Variants in ALCAM observed in about 807,000 individuals in gnomAD.
ALCAM encodes CD166 antigen.
In ALCAM, 30 loss-of-function variants were observed where a neutral mutation model predicts 70.9. That is an observed-to-expected ratio of 0.42 (90% confidence interval 0.32 to 0.57). The LOEUF (loss-of-function observed/expected upper bound fraction) is 0.57, where lower values mean the gene tolerates loss of function less well. Among genes scored for constraint, ALCAM ranks in the 20% least tolerant of loss-of-function variants. The pLI, the probability that ALCAM is intolerant of heterozygous loss-of-function variation, is 0.11. For synonymous variants in ALCAM, 249 were observed against 242.5 expected (o/e 1.03, Z -0.25); for missense variants, 591 against 695.1 (o/e 0.85, Z 1.68).
At chr3:105,442,529 C>A (rs1937196841) in intron 1 of ALCAM, among the ~76,000 whole-genome samples, 1 of 152,060 alleles carries the variant, frequency 6.6e-6, no homozygotes, top group Non-Finnish European at 1.5e-5. Context: ...CGCCTGTAAT[C>A]CCAGCACTGT....
rs1940426069 is a variant in ALCAM at position 105,552,145 on chromosome 3, A to C, written c.1509A>C (p.Ile503=). ...TCATATTAACATTTTTCATTTCAGT[A>C]AGTATTCCAGAACACGATGAGGCAG... The part of the protein sequence containing the change: ...RTVNSLNVSA[I]SIPEHDEADE... Residue 503 remains isoleucine, a splice_region_variant and synonymous_variant, in exon 13 of 16, where the codon ATA becomes ATC. Transcript: ENST00000306107. The C allele has an allele frequency of 6.3e-7, 1 of 1,597,966 alleles. No individual in the cohort carries two copies. The highest frequency in any genetic ancestry group is 8.5e-7 in the Non-Finnish European group (1 of 1,173,804).
At chr3:105,506,615 C>T (rs1167954390) in intron 1 of ALCAM, among the ~76,000 whole-genome samples, 1 of 151,852 alleles carries the variant, frequency 6.6e-6, no homozygotes, top group Non-Finnish European at 1.5e-5. Flanking sequence ...TTTTTTAAAC[C>T]CAAATGACAC....
At chr3:105,396,768 C>T (rs902244553) in intron 1 of ALCAM, among the ~76,000 whole-genome samples, 1 of 152,042 alleles carries the variant, frequency 6.6e-6, no homozygotes, top group Non-Finnish European at 1.5e-5. Flanking sequence ...TGATTGCCCT[C>T]TTAAAGGTTA....
At chr3:105,369,551 C>G (rs906357545) in intron 1 of ALCAM, among the ~76,000 whole-genome samples, 1 of 151,914 alleles carries the variant, frequency 6.6e-6, no homozygotes, top group Non-Finnish European at 1.5e-5. Context: ...GCACTAAAGG[C>G]GCCGTGTCTA....
intron 3 of ALCAM, among the ~76,000 whole-genome samples, chr3:105,527,982 G>T (rs1939749317): frequency 6.6e-6 from 1 of 152,132 alleles, no homozygotes; most frequent in Admixed American, 6.5e-5. Context: ...ATTTCATTTT[G>T]ATTATTTAAA....
intron 14 of ALCAM, among the ~76,000 whole-genome samples, chr3:105,568,903 C>A (rs1021642681): frequency 1.3e-5 from 2 of 151,528 alleles, no homozygotes; most frequent in African/African-American, 2.4e-5. Flanking sequence ...CAGTGTTACT[C>A]AAAACAGAAC....
intron 1 of ALCAM, among the ~76,000 whole-genome samples, chr3:105,432,841 C>T (rs1047195471): frequency 6.6e-6 from 1 of 152,122 alleles, no homozygotes; most frequent in Admixed American, 6.6e-5. Flanking sequence ...AAATGACTGG[C>T]ACAAACCAGT....
intron 1 of ALCAM, among the ~76,000 whole-genome samples, chr3:105,494,053 C>G (rs566077070): frequency 8.5e-6 from 1 of 118,188 alleles, no homozygotes; most frequent in African/African-American, 3.4e-5. Context: ...AAACGTATAT[C>G]TCAAAACAAT....
intron 1 of ALCAM, among the ~76,000 whole-genome samples, chr3:105,450,176 T>C (rs931272884): frequency 2.6e-5 from 4 of 152,182 alleles, no homozygotes; most frequent in African/African-American, 9.7e-5. Context: ...TTTCAAGAAA[T>C]GGTTGAGATA....
intron 1 of ALCAM, among the ~76,000 whole-genome samples, chr3:105,457,925 T>C (rs1349664961): frequency 1.3e-5 from 2 of 152,200 alleles, no homozygotes; most frequent in East Asian, 3.9e-4. Flanking sequence ...ATCCGTATCC[T>C]GAATGTTTAG....
chr3:105,368,521 C>T lies in ALCAM; in HGVS notation c.73+1040C>T, dbSNP rs1935141508. On this transcript the variant is annotated intron_variant, in intron 1 of 15. Transcript: ENST00000306107. ...GCGTAGACAGTTGCCAGTTAAACTC[C>T]TACTTCCTGGTATTTTGGCCTGTTT... Among the ~76,000 whole-genome samples the T allele has an allele frequency of 3.3e-5, 5 of 151,964 alleles. No homozygotes were observed. In the South Asian group the frequency reaches 1.0e-3, roughly 32 times the overall value.
chr3:105,515,499 A>G (rs953099673), intron 1 of ALCAM, among the ~76,000 whole-genome samples: 13 of 152,042 alleles, frequency 8.6e-5, no homozygotes, highest in Non-Finnish European at 1.5e-4. Context: ...TGAGAAACCA[A>G]TGGCTGAAGG....
intron 1 of ALCAM, among the ~76,000 whole-genome samples, chr3:105,464,257 T>G (rs1937653316): frequency 6.6e-6 from 1 of 151,420 alleles, no homozygotes; most frequent in Admixed American, 6.6e-5. Flanking sequence ...ATGGATCAAA[T>G]TTTTAAAATA....
chr3:105,473,187 C>G (rs181826162), intron 1 of ALCAM, among the ~76,000 whole-genome samples: 19 of 151,482 alleles, frequency 1.3e-4, no homozygotes, highest in Admixed American at 1.3e-3. Context: ...TATATATATT[C>G]ATATAGTAGA....
intron 1 of ALCAM, among the ~76,000 whole-genome samples, chr3:105,519,447 C>T (rs1265555660): frequency 1.3e-5 from 2 of 151,922 alleles, no homozygotes; most frequent in Non-Finnish European, 2.9e-5. Context: ...CATGTTCATA[C>T]TATAAATTCT....
chr3:105,499,870 A>T (rs974655707), intron 1 of ALCAM, among the ~76,000 whole-genome samples: 3 of 152,186 alleles, frequency 2.0e-5, no homozygotes, highest in Non-Finnish European at 2.9e-5. Flanking sequence ...CACCTGTTCC[A>T]ATTAGCTGTA....
rs566323493 is a variant in ALCAM, at chr3:105,483,023, T to G, written c.74-37044T>G. 2.6e-5 allele frequency among the ~76,000 whole-genome samples: 4 copies of G among 152,254 alleles called. No homozygotes were observed. In the South Asian group the frequency reaches 8.3e-4, roughly 32 times the overall value. On this transcript the variant is annotated intron_variant, in intron 1 of 15. Transcript: ENST00000306107. Reference sequence around the variant, plus strand: ...CTGATTCTCAATCTAAGGGGATTAGTAGAAAACCAACTAGATTATAAATGA... The same window carrying G: ...CTGATTCTCAATCTAAGGGGATTAGGAGAAAACCAACTAGATTATAAATGA...
chr3:105,533,514 A>C (rs1278483127), intron 4 of ALCAM, 89 bp from the exon 5 acceptor site: 1 of 1,072,448 alleles, frequency 9.3e-7, no homozygotes. Flanking sequence ...AACCCTTGGA[A>C]TAACTCTGCA....
At chr3:105,538,917 C>G (rs1293406327) in intron 6 of ALCAM, among the ~76,000 whole-genome samples, 1 of 152,064 alleles carries the variant, frequency 6.6e-6, no homozygotes, top group African/African-American at 2.4e-5. Context: ...TAACAAACTT[C>G]TAAGTTTTTT....
Sources: allele counts gnomAD v4.1 joint callset (sites outside exome capture counted in the v4.1 genomes callset), GRCh38; gene constraint gnomAD v4.1.1; transcripts MANE v1.5; gene names NCBI Gene and HGNC (gene_info 2026-07-23, HGNC 2026-07-21).